Variants in TBC1D25 observed in about 807,000 individuals in gnomAD.
TBC1D25 encodes 5SN3 snoRNA.
TBC1D25 carries 13 observed loss-of-function variants against 38.8 expected under a neutral mutation model. The ratio of observed to expected loss-of-function variants is 0.34; its 90% CI spans 0.22 to 0.53. The LOEUF (loss-of-function observed/expected upper bound fraction) is 0.53, where lower values mean the gene tolerates loss of function less well. Among genes scored for constraint, TBC1D25 ranks in the 20% least tolerant of loss-of-function variants. TBC1D25 has a pLI of 0.94. For synonymous variants in TBC1D25, 225 were observed against 255.6 expected (o/e 0.88, Z 1.14); for missense variants, 372 against 600.0 (o/e 0.62, Z 3.97).
At position 48,562,280 on chromosome X, in the gene TBC1D25, T is replaced by C. The variant is rs1199815265; in HGVS notation, c.*1305T>C. 1 of 112,008 alleles carries C rather than the reference T, an allele frequency of 8.9e-6. No homozygotes were observed. Among genetic ancestry groups the C allele is most frequent in the East Asian group, 2.8e-4 (1 of 3,544 alleles). The allele number at this position is 112,008 out of a possible 1,213,427, so 9.2% of individuals were successfully genotyped here. A position where few individuals can be genotyped will look rare whatever the true frequency, so the allele number is the denominator to read the frequency against. ...TGGCCAGAGCTGTTGCACTAGGCAA[T>C]GCTGCCAGAGATGAGGAGGCATCAG... On this transcript the variant is annotated 3_prime_UTR_variant, in exon 6 of 6. Coordinates refer to ENST00000376771, the MANE Select transcript of TBC1D25 (RefSeq NM_002536.4).
Position 48,559,144 on chromosome X carries a change from C to T in TBC1D25, c.517-14C>T. On this transcript the variant is annotated splice_polypyrimidine_tract_variant and intron_variant, in intron 4 of 5. Coordinates refer to ENST00000376771, the MANE Select transcript of TBC1D25 (RefSeq NM_002536.4). ...GTCCACACAGCTGATGGTGGCCTCCCTCCCTCCTCATAGGTGGGCCGTACC... is the reference window on the plus strand; with the variant it reads ...GTCCACACAGCTGATGGTGGCCTCCTTCCCTCCTCATAGGTGGGCCGTACC... 1 of 1,208,222 alleles carries T rather than the reference C, an allele frequency of 8.3e-7. No homozygotes were observed.
In TBC1D25 at chrX:48,557,410, G is replaced by A. The variant is rs1305370792; in HGVS notation, c.389-1487G>A. On this transcript the variant is annotated intron_variant, in intron 3 of 5. Coordinates refer to ENST00000376771, the MANE Select transcript of TBC1D25 (RefSeq NM_002536.4). The stretch of plus-strand genomic sequence containing the variant: ...TGTAATCCCAGTACCTTGGGAGGCC[G>A]AGGCAGGTGGATCACCTGAGGTCGG... Among the ~76,000 whole-genome samples, 6 of 110,481 alleles carry A rather than the reference G, an allele frequency of 5.4e-5. No individual in the cohort carries two copies. The South Asian group carries it at 1.1e-3, about 21-fold the overall frequency.
chrX:48,558,111 C>CA (rs782514374), intron 3 of TBC1D25, among the ~76,000 whole-genome samples: 15,267 of 49,226 alleles, frequency 0.31, 2,738 homozygotes, highest in African/African-American at 0.6. Flanking sequence ...ACTCCGTCTC[C>CA]AAAAAAAAAA....
At position 48,560,890 on chromosome X, in the gene TBC1D25, G is replaced by A. The variant is rs782621637; in HGVS notation, c.1982G>A (p.Arg661His). 1.1e-5 allele frequency: 13 copies of A among 1,211,957 alleles called. No homozygotes were observed. The highest frequency in any genetic ancestry group is 8.7e-5 in the Admixed American group (4 of 46,129). The change falls in exon 6 of 6, where the codon CGC becomes CAC. Residue 661 changes from arginine to histidine, a missense_variant. Arg to His is a conservative substitution (Grantham distance 29, BLOSUM62 0). Transcript: ENST00000376771. ...VRKHHLGRVL[R>H]RARALFADYL... The stretch of plus-strand genomic sequence containing the variant: ...AAACACCACCTGGGGCGCGTCCTGC[G>A]CCGGGCTAGGGCTCTCTTTGCTGAT...
chrX:48,545,886 G>C (rs1387260511), intron 3 of TBC1D25, among the ~76,000 whole-genome samples: 1 of 111,532 alleles, frequency 9.0e-6, no homozygotes, highest in Non-Finnish European at 1.9e-5. Flanking sequence ...GAGCAGAAGA[G>C]AGTGAACCCA....
At chrX:48,552,794 T>G (rs1440977786) in intron 3 of TBC1D25, among the ~76,000 whole-genome samples, 1 of 102,174 alleles carries the variant, frequency 9.8e-6, no homozygotes, top group African/African-American at 3.5e-5. Context: ...CTTAGACAAC[T>G]TTTTTTTTTT....
At chrX:48,550,987 T>C (rs1326257811) in intron 3 of TBC1D25, among the ~76,000 whole-genome samples, 1 of 111,605 alleles carries the variant, frequency 9.0e-6, no homozygotes, top group Non-Finnish European at 1.9e-5. Flanking sequence ...ATGTGAATTC[T>C]TCTATAGAAA....
At chrX:48,551,243 T>C (rs2061929491) in intron 3 of TBC1D25, among the ~76,000 whole-genome samples, 1 of 112,307 alleles carries the variant, frequency 8.9e-6, no homozygotes, top group African/African-American at 3.2e-5. Flanking sequence ...GTGGGTTATA[T>C]AAAGACTATA....
intron 2 of TBC1D25, 131 bp downstream of exon 2, chrX:48,541,573 A>G (rs2061839099): frequency 4.6e-6 from 3 of 646,126 alleles, no homozygotes; most frequent in South Asian, 4.5e-5. Context: ...CCACGTATGC[A>G]TGTCTTGGAG....
chrX:48,545,985 G>A (rs1296805980), intron 3 of TBC1D25, among the ~76,000 whole-genome samples: 1 of 109,332 alleles, frequency 9.1e-6, no homozygotes, highest in Non-Finnish European at 1.9e-5. Flanking sequence ...TGAGGCAGGC[G>A]GATCACCTGA....
intron 3 of TBC1D25, among the ~76,000 whole-genome samples, chrX:48,552,793 CTT>C (rs1216114960): frequency 2.0e-5 from 2 of 101,168 alleles, no homozygotes; most frequent in African/African-American, 3.5e-5. Context: ...GCTTAGACAA[CTT>C]TTTTTTTTTT....
At chrX:48,551,737 A>G (rs2061935628) in intron 3 of TBC1D25, among the ~76,000 whole-genome samples, 1 of 106,533 alleles carries the variant, frequency 9.4e-6, no homozygotes, top group African/African-American at 3.4e-5. Flanking sequence ...GATTCTCCTT[A>G]CCTCAGCCTC....
chrX:48,548,694 C>T (rs1556982467), intron 3 of TBC1D25, among the ~76,000 whole-genome samples: 1 of 111,313 alleles, frequency 9.0e-6, no homozygotes, highest in African/African-American at 3.3e-5. Context: ...CCTTTTTGCC[C>T]CGAGGGAATC....
chrX:48,542,326 G>A (rs868948991), intron 2 of TBC1D25, among the ~76,000 whole-genome samples: 50 of 102,903 alleles, frequency 4.9e-4, no homozygotes, highest in South Asian at 1.8e-3. Flanking sequence ...GCACCACCAC[G>A]CCTGCTAATT....
chrX:48,540,250 C>A (rs2061828143), intron 1 of TBC1D25, among the ~76,000 whole-genome samples: 1 of 111,530 alleles, frequency 9.0e-6, no homozygotes, highest in African/African-American at 3.3e-5. Context: ...TGAGAAGGTG[C>A]TGGCTCTGGA....
intron 3 of TBC1D25, among the ~76,000 whole-genome samples, chrX:48,547,729 G>A (rs1254714427): frequency 9.0e-6 from 1 of 111,484 alleles, no homozygotes; most frequent in Non-Finnish European, 1.9e-5. Flanking sequence ...CTGAGGTCAG[G>A]AGTTCGAGAC....
chrX:48,556,621 C>T (rs1426403708), intron 3 of TBC1D25, among the ~76,000 whole-genome samples: 1 of 109,094 alleles, frequency 9.2e-6, no homozygotes, highest in Non-Finnish European at 1.9e-5. Flanking sequence ...GTGGCAGGCA[C>T]CTGTAATCCC....
In TBC1D25 at chrX:48,559,769, G is replaced by C; in HGVS notation, c.861G>C (p.Thr287=). ...NPEDLEFIRS[T]VLKDVLRTDR... The stretch of plus-strand genomic sequence containing the variant: ...AGGACCTGGAATTCATCCGCAGCAC[G>C]GTCCTCAAGGATGTACTGCGCACTG... The change falls in exon 6 of 6, where the codon ACG becomes ACC. Residue 287 remains threonine, a synonymous_variant. Transcript: ENST00000376771. 1 of 1,211,840 alleles carries C rather than the reference G, an allele frequency of 8.3e-7. No individual in the cohort carries two copies. The highest frequency in any genetic ancestry group is 1.1e-6 in the Non-Finnish European group (1 of 895,476).
chrX:48,561,755 C>T lies in TBC1D25; in HGVS notation c.*780C>T, dbSNP rs1056362862. On this transcript the variant is annotated 3_prime_UTR_variant, in exon 6 of 6. Coordinates refer to ENST00000376771, the MANE Select transcript of TBC1D25 (RefSeq NM_002536.4). ...CAAGGTTTGAGCGAGGTGCATCTCA[C>T]ACAAGTGTGAAAGCCCAATCATCAC... The T allele has an allele frequency of 2.7e-5, 3 of 112,512 alleles. No individual in the cohort carries two copies. The highest frequency in any genetic ancestry group is 9.7e-5 in the African/African-American group (3 of 30,966). 9.3% of individuals were successfully genotyped at this position (112,512 alleles called of 1,213,427 possible).
Sources: allele counts gnomAD v4.1 joint callset (sites outside exome capture counted in the v4.1 genomes callset), GRCh38; gene constraint gnomAD v4.1.1; transcripts MANE v1.5; gene names NCBI Gene and HGNC (gene_info 2026-07-23, HGNC 2026-07-21).